KANK4: variants seen among roughly 807,000 people sequenced by gnomAD.
KANK4 encodes KN motif and ankyrin repeat domains 4.
A neutral mutation model predicts 80.8 loss-of-function variants in KANK4; 50 were observed. That is an observed-to-expected ratio of 0.62 (90% CI 0.49 to 0.78). KANK4 has a LOEUF of 0.78. Ranked by LOEUF, KANK4 falls within the 30% of genes least tolerant of loss-of-function variation. The pLI is 0.00. For synonymous variants in KANK4, 465 were observed against 506.9 expected (o/e 0.92, Z 1.11); for missense variants, 1,196 against 1,240.1 (o/e 0.96, Z 0.53).
chr1:62,262,849 T>C (rs917733164), intron 7 of KANK4, among the ~76,000 whole-genome samples: 1 of 151,996 alleles, frequency 6.6e-6, no homozygotes, highest in Non-Finnish European at 1.5e-5. Flanking sequence ...AATGGACAAT[T>C]ATACCAGAGA....
rs368413207 is a variant in KANK4 at position 62,281,574 on chromosome 1, G to A, written c.-10C>T. The stretch of plus-strand genomic sequence containing the variant: ...CATCTGTCTTCTCCATCTTTGGAGC[G>A]CTGACCCTCAGTGTCTCAGGCACTC... On this transcript the variant is annotated 5_prime_UTR_variant, in exon 2 of 10. Coordinates refer to ENST00000371153, the MANE Select transcript of KANK4 (RefSeq NM_181712.5). 24 of 1,614,016 alleles carry A rather than the reference G, an allele frequency of 1.5e-5. No homozygotes were observed. The highest frequency in any genetic ancestry group is 1.3e-4 in the African/African-American group (10 of 74,930).
chr1:62,244,649 C>T (rs140051693), intron 9 of KANK4, among the ~76,000 whole-genome samples: 4 of 152,150 alleles, frequency 2.6e-5, no homozygotes, highest in Admixed American at 6.5e-5. Flanking sequence ...CTTTCCCAGC[C>T]GTGTGGAACT....
At chr1:62,310,401 G>C (rs1229820887) in intron 1 of KANK4, among the ~76,000 whole-genome samples, 4 of 152,184 alleles carry the variant, frequency 2.6e-5, no homozygotes, top group African/African-American at 9.7e-5. Flanking sequence ...ACTGGAGAGA[G>C]AGGGAGAAAG....
In KANK4 at chr1:62,268,399, C is replaced by A; in HGVS notation, c.2119G>T (p.Val707Phe). ...KKCDGPDHKH[V>F]KDAHLTCEAG... ...TCGCAGGTGAGATGGGCATCTTTGA[C>A]ATGCTTGTGATCTGGGCCGTCACAC... The change falls in exon 5 of 10, where the codon GTC (valine) becomes TTC (phenylalanine). Residue 707 changes from valine (V) to phenylalanine (F), a missense_variant. This residue lies in a region of KANK4 where 1,154 missense variants were observed against 1,179.6 expected (regional missense o/e 0.98). Coordinates refer to ENST00000371153, the MANE Select transcript of KANK4 (RefSeq NM_181712.5). 1 of 1,614,072 alleles carries A rather than the reference C, an allele frequency of 6.2e-7. No homozygotes were observed. Among genetic ancestry groups the A allele is most frequent in the Non-Finnish European group, 8.5e-7 (1 of 1,180,016 alleles).
intron 6 of KANK4, among the ~76,000 whole-genome samples, chr1:62,266,076 T>C (rs181245414): frequency 8.5e-5 from 13 of 152,272 alleles, no homozygotes; most frequent in Admixed American, 6.5e-4. Flanking sequence ...CTGTCCACAG[T>C]CCTCTCAAAC....
Position 62,293,470 on chromosome 1 carries a change from A to T in KANK4, c.-70-11836T>A, listed in dbSNP as rs1192915315. Among the ~76,000 whole-genome samples, 6 of 152,290 alleles carry T rather than the reference A, an allele frequency of 3.9e-5. 1 individual carries two copies. The East Asian group carries it at 1.2e-3, about 29-fold the overall frequency. ...AGAAACTAAGGGTTTCTAAAAGAAT[A>T]AAAAATGCATCTCAAATATGTGTAT... On this transcript the variant is annotated intron_variant, in intron 1 of 9. Coordinates refer to ENST00000371153, the MANE Select transcript of KANK4 (RefSeq NM_181712.5).
intron 1 of KANK4, among the ~76,000 whole-genome samples, chr1:62,294,152 TTTCTC>T (rs1236166741): frequency 6.6e-6 from 1 of 152,210 alleles, no homozygotes; most frequent in African/African-American, 2.4e-5. Flanking sequence ...TTTGATTAGT[TTTCTC>T]TTCTCCTTTA....
chr1:62,279,720 G>T (rs1469686827), intron 2 of KANK4, among the ~76,000 whole-genome samples: 1 of 152,220 alleles, frequency 6.6e-6, no homozygotes, highest in Non-Finnish European at 1.5e-5. Flanking sequence ...CAGCAAGGAT[G>T]GGCTGGTTCT....
At chr1:62,318,444 A>C (rs1438414345) in intron 1 of KANK4, among the ~76,000 whole-genome samples, 1 of 152,190 alleles carries the variant, frequency 6.6e-6, no homozygotes, top group Non-Finnish European at 1.5e-5. Context: ...GGCAGAAGGG[A>C]AAGGAGCCCA....
At chr1:62,296,705 C>T (rs2149163926) in intron 1 of KANK4, among the ~76,000 whole-genome samples, 1 of 152,092 alleles carries the variant, frequency 6.6e-6, no homozygotes, top group Admixed American at 6.5e-5. Flanking sequence ...GTGCACACCA[C>T]CATGCCCGGC....
chr1:62,257,204 C>T (rs1320453767), intron 7 of KANK4, among the ~76,000 whole-genome samples: 2 of 152,270 alleles, frequency 1.3e-5, no homozygotes, highest in Admixed American at 1.3e-4. Flanking sequence ...TCTCCTGCCT[C>T]AGCCTCCCAA....
chr1:62,273,462 G>A lies in KANK4; in HGVS notation c.1642C>T (p.Pro548Ser). ...GTTGGCGAGCTTGGTGGCCTTCCCG[G>A]GTGCTCCTTCCCTGGGAGATTGGAA... ...TSSNLPGKEH[P>S]GRPPSSPTDA... The change falls in exon 3 of 10, where the codon CCG (proline) becomes TCG (serine). Residue 548 changes from proline (P) to serine (S), a missense_variant. Coordinates refer to ENST00000371153, the MANE Select transcript of KANK4 (RefSeq NM_181712.5). The A allele has an allele frequency of 3.7e-6, 6 of 1,613,968 alleles. No homozygotes were observed. The highest frequency in any genetic ancestry group is 4.2e-6 in the Non-Finnish European group (5 of 1,179,938).
intron 1 of KANK4, among the ~76,000 whole-genome samples, chr1:62,315,084 T>C (rs976334553): frequency 1.3e-5 from 2 of 152,166 alleles, no homozygotes; most frequent in Non-Finnish European, 2.9e-5. Context: ...CTGTGTAGAC[T>C]GCAGGCTGTT....
chr1:62,294,324 C>T (rs1644340200), intron 1 of KANK4, among the ~76,000 whole-genome samples: 2 of 152,214 alleles, frequency 1.3e-5, no homozygotes, highest in South Asian at 4.1e-4. Flanking sequence ...AGCTCCACTT[C>T]CTCCCTCCTG....
chr1:62,250,133 G>A (rs532738722), intron 8 of KANK4, among the ~76,000 whole-genome samples: 7 of 151,914 alleles, frequency 4.6e-5, no homozygotes, highest in Non-Finnish European at 7.4e-5. Context: ...GAATACAGGC[G>A]TGCATCACCA....
intron 1 of KANK4, among the ~76,000 whole-genome samples, chr1:62,311,652 C>T (rs114040236): frequency 0.011 from 1,639 of 152,150 alleles, 22 homozygotes; most frequent in African/African-American, 0.036. Context: ...CTTAACCTCT[C>T]GGGATCATCA....
chr1:62,286,720 T>A (rs932348896), intron 1 of KANK4, among the ~76,000 whole-genome samples: 5 of 152,146 alleles, frequency 3.3e-5, no homozygotes, highest in African/African-American at 1.2e-4. Flanking sequence ...GTGCATCACT[T>A]TCTTCCTGGC....
intron 7 of KANK4, among the ~76,000 whole-genome samples, chr1:62,258,086 CT>C (rs767156579): frequency 2.5e-4 from 38 of 152,206 alleles, no homozygotes; most frequent in Non-Finnish European, 1.6e-4. Context: ...ACTGATCGAT[CT>C]TGGTTTGAAT....
Position 62,293,062 on chromosome 1 carries a change from T to TTGTGTGTGTG in KANK4, c.-70-11438_-70-11429dup, listed in dbSNP as rs5774593. On this transcript the variant is annotated intron_variant, in intron 1 of 9. Coordinates refer to ENST00000371153, the MANE Select transcript of KANK4 (RefSeq NM_181712.5). ...CCCCTGCCATTAAGTGTCTCAATCTTTGTGTGTGTGTGTGTGTGTGTGTGT... is the reference window on the plus strand; with the variant it reads ...CCCCTGCCATTAAGTGTCTCAATCTTTGTGTGTGTGTGTGTGTGTGTGTGTGTGTGTGTGT... 8.2e-5 allele frequency among the ~76,000 whole-genome samples: 12 copies of TTGTGTGTGTG among 146,788 alleles called. No individual in the cohort carries two copies. The South Asian group carries it at 1.4e-3, about 17-fold the overall frequency.
Sources: allele counts gnomAD v4.1 joint callset (sites outside exome capture counted in the v4.1 genomes callset), GRCh38; gene constraint gnomAD v4.1.1; regional missense constraint gnomAD v4.1.1; transcripts MANE v1.5; gene names NCBI Gene and HGNC (gene_info 2026-07-23, HGNC 2026-07-21).